PC: variants seen among roughly 807,000 people sequenced by gnomAD.
PC encodes the protein pyruvate carboxylase, also known as pyruvate carboxylase, mitochondrial.
In PC, 46 loss-of-function variants were observed where a neutral mutation model predicts 107.8. The observed-to-expected ratio is 0.43, with a 90% confidence interval of 0.34 to 0.55. The LOEUF is 0.55. Among genes scored for constraint, PC ranks in the 20% least tolerant of loss-of-function variants. The probability of loss-of-function intolerance (pLI) is 0.04; values close to 1 mark genes in which losing one functional copy is unlikely to be tolerated. For missense variants in PC, 1,241 were observed against 1,643.1 expected (o/e 0.76, Z 4.23); for synonymous variants, 662 against 684.7 (o/e 0.97, Z 0.52).
At chr11:66,855,587 C>T (rs78158021) in intron 12 of PC, among the ~76,000 whole-genome samples, 9,785 of 152,284 alleles carry the variant, frequency 0.064, 384 homozygotes, top group East Asian at 0.11. Context: ...GCATGAACCA[C>T]TGCACCCGGT....
At chr11:66,913,424 C>T (rs1948387986) in intron 3 of PC, among the ~76,000 whole-genome samples, 1 of 151,964 alleles carries the variant, frequency 6.6e-6, no homozygotes, top group Non-Finnish European at 1.5e-5. Context: ...GTGGCTCACG[C>T]TTGTAATCCC....
At chr11:66,930,042 C>G (rs796209424) in intron 3 of PC, among the ~76,000 whole-genome samples, 20 of 152,106 alleles carry the variant, frequency 1.3e-4, no homozygotes, top group Admixed American at 1.2e-3. Context: ...AGAGATCTTA[C>G]CCCCAGTGAA....
chr11:66,863,939 C>T lies in PC; in HGVS notation c.1203G>A (p.Glu401=). Residue 401 remains glutamate, a synonymous_variant, in exon 12 of 23, where the codon GAG becomes GAA. Coordinates refer to ENST00000393960, the MANE Select transcript of PC (RefSeq NM_001040716.2). Reference sequence around the variant, plus strand: ...CATTATCCAGGCGGATGCCCATGCCCTCTCCGCTCCGGAACACCTGTGGGA... The same window carrying T: ...CATTATCCAGGCGGATGCCCATGCCTTCTCCGCTCCGGAACACCTGTGGGA... The part of the protein sequence containing the change: ...TGRIEVFRSG[E]GMGIRLDNAS... The T allele has an allele frequency of 1.2e-6, 2 of 1,613,908 alleles. No individual in the cohort carries two copies. Among genetic ancestry groups the T allele is most frequent in the Non-Finnish European group, 1.7e-6 (2 of 1,180,026 alleles).
rs986533958 is a variant in PC at position 66,850,823 on chromosome 11, G to A, written c.2324C>T (p.Thr775Met). 19 of 1,611,954 alleles carry A rather than the reference G, an allele frequency of 1.2e-5. No individual in the cohort carries two copies. Among genetic ancestry groups the A allele is most frequent in the Non-Finnish European group, 1.5e-5 (18 of 1,180,032 alleles). Residue 775 changes from threonine to methionine, a missense_variant, in exon 18 of 23, where the codon ACG becomes ATG. Coordinates refer to ENST00000393960, the MANE Select transcript of PC (RefSeq NM_001040716.2). ...DLPLHIHTHD[T>M]SGAGVAAMLA... ...CATGGCTGCCACGCCTGCCCCTGAC[G>A]TGTCGTGGGTGTGGATGTGCAGTGG...
At chr11:66,875,694 G>A (rs1450079472) in intron 3 of PC, among the ~76,000 whole-genome samples, 1 of 152,116 alleles carries the variant, frequency 6.6e-6, no homozygotes, top group East Asian at 1.9e-4. Flanking sequence ...TAAGATGGGG[G>A]CTGGGAAGGG....
At chr11:66,860,014 C>T in intron 12 of PC, 1 of 1,591,116 alleles carries the variant, frequency 6.3e-7, no homozygotes, top group Non-Finnish European at 8.6e-7. Flanking sequence ...CCGCGGAGCC[C>T]CCCGCCCCGG....
chr11:66,860,591 C>T (rs1382883491), intron 12 of PC: 1 of 701,214 alleles, frequency 1.4e-6, no homozygotes, highest in Non-Finnish European at 2.6e-6. Context: ...GCAGTCACAG[C>T]AGCCTGGGGC....
At chr11:66,919,510 G>C (rs888294481) in intron 3 of PC, among the ~76,000 whole-genome samples, 1 of 152,230 alleles carries the variant, frequency 6.6e-6, no homozygotes, top group African/African-American at 2.4e-5. Flanking sequence ...CCAGGAGCTT[G>C]ACAAGCTGGG....
chr11:66,850,790 C>G lies in PC; in HGVS notation c.2357G>C (p.Cys786Ser). The change falls in exon 18 of 23, where the codon TGT becomes TCT. Residue 786 changes from cysteine to serine, a missense_variant. Cys to Ser is a moderately radical substitution (Grantham distance 112). This residue lies in a region of PC where 1,143 missense variants were observed against 1,551.9 expected (regional missense o/e 0.74). Transcript: ENST00000393960. ...CACCACATCAGCTCCAGCCTGGGCA[C>G]AGGCCAGCATGGCTGCCACGCCTGC... ...SGAGVAAMLA[C>S]AQAGADVVDV... is the part of the protein sequence containing the mutation. 2 of 1,611,582 alleles carry G rather than the reference C, an allele frequency of 1.2e-6. No homozygotes were observed. The highest frequency in any genetic ancestry group is 3.3e-5 in the Admixed American group (2 of 60,030).
rs199585461 is a variant in PC, at chr11:66,849,010, G to A, written c.3426C>T (p.Ala1142=). ...AKGQPLCVLS[A]MKMETVVTSP... The stretch of plus-strand genomic sequence containing the variant: ...AGGTCACCACAGTCTCCATCTTCAT[G>A]GCACTGAGCACACACAGGGGCTGGC... The change falls in exon 23 of 23, where the codon GCC becomes GCT. Residue 1142 remains alanine (A), a synonymous_variant. Coordinates refer to ENST00000393960, the MANE Select transcript of PC (RefSeq NM_001040716.2). The A allele has an allele frequency of 5.6e-6, 9 of 1,614,084 alleles. No homozygotes were observed. The highest frequency in any genetic ancestry group is 7.6e-6 in the Non-Finnish European group (9 of 1,180,022).
intron 3 of PC, among the ~76,000 whole-genome samples, chr11:66,911,829 G>A (rs143700555): frequency 2.6e-5 from 4 of 152,128 alleles, no homozygotes; most frequent in Admixed American, 1.3e-4. Flanking sequence ...TCAGGAGTTC[G>A]AGACCAGCCT....
At chr11:66,883,273 C>CAGT (rs1373293403) in intron 3 of PC, among the ~76,000 whole-genome samples, 1 of 152,162 alleles carries the variant, frequency 6.6e-6, no homozygotes, top group Admixed American at 6.5e-5. Context: ...CGAGGGCCTG[C>CAGT]AGTGAGGTGG....
intron 3 of PC, among the ~76,000 whole-genome samples, chr11:66,903,771 A>ATAT (rs1194041066): frequency 1.8e-4 from 15 of 81,642 alleles, no homozygotes; most frequent in East Asian, 6.8e-4. Context: ...AAAAAAAAAA[A>ATAT]AAATATATAT....
chr11:66,857,108 G>C lies in PC; in HGVS notation c.1369-3725C>G, dbSNP rs1020495702. On this transcript the variant is annotated intron_variant, in intron 12 of 22. Transcript: ENST00000393960. This position sits in a 1 kb window ranked among gnomAD's most constrained non-coding sequence, Gnocchi z 7.1. ...CCTGTCGCCGCCGCCACCGCTAACC[G>C]CGCCGGGAAAAGGTGCCGGGAACCG... 6.8e-6 allele frequency: 1 copy of C among 147,764 alleles called. No homozygotes were observed. Among genetic ancestry groups the C allele is most frequent in the Non-Finnish European group, 1.5e-5 (1 of 66,308 alleles). 9.2% of individuals were successfully genotyped at this position (147,764 alleles called of 1,614,324 possible).
At chr11:66,895,026 G>GAAA (rs11421698) in intron 3 of PC, among the ~76,000 whole-genome samples, 3 of 126,758 alleles carry the variant, frequency 2.4e-5, no homozygotes, top group African/African-American at 5.8e-5. Context: ...TCCGTCTCAG[G>GAAA]AAAAAAAAAA....
At chr11:66,893,735 C>T (rs1023840344) in intron 3 of PC, among the ~76,000 whole-genome samples, 5 of 152,106 alleles carry the variant, frequency 3.3e-5, no homozygotes, top group Admixed American at 1.3e-4. Flanking sequence ...TAAAATCACG[C>T]TTTTTGGTGG....
In PC at chr11:66,850,885, C is replaced by T. The variant is rs763090132; in HGVS notation, c.2262G>A (p.Met754Ile). Residue 754 changes from methionine (M) to isoleucine (I), a missense_variant, in exon 18 of 23, where the codon ATG becomes ATA. By Grantham distance (10) the Met-to-Ile change is conservative (BLOSUM62 1). This residue lies in a region of PC where 1,143 missense variants were observed against 1,551.9 expected (regional missense o/e 0.74). Transcript: ENST00000393960. Reference sequence around the variant, plus strand: ...AGCGGTCCCGGAGGGAGCTGACCAGCATGGTGCAGGCCGTGGGCTTCAGCA... The same window carrying T: ...AGCGGTCCCGGAGGGAGCTGACCAGTATGGTGCAGGCCGTGGGCTTCAGCA... ...AGLLKPTACTMLVSSLRDRFP... is the reference protein window; with the variant it reads ...AGLLKPTACTILVSSLRDRFP... 1 of 1,610,860 alleles carries T rather than the reference C, an allele frequency of 6.2e-7. No homozygotes were observed. The highest frequency in any genetic ancestry group is 1.1e-5 in the South Asian group (1 of 91,088).
At chr11:66,935,045 G>A (rs1948961020) in intron 3 of PC, among the ~76,000 whole-genome samples, 1 of 152,176 alleles carries the variant, frequency 6.6e-6, no homozygotes, top group South Asian at 2.1e-4. Flanking sequence ...TCCCAACCAC[G>A]GATAAACAAC....
Position 66,858,726 on chromosome 11 carries a change from G to A in PC, c.1368+5048C>T. The A allele has an allele frequency of 6.4e-7, 1 of 1,553,834 alleles. No homozygotes were observed. Among genetic ancestry groups the A allele is most frequent in the Non-Finnish European group, 8.7e-7 (1 of 1,148,076 alleles). ...CCGGTTGGTTGGCAACTCCTCCCGAGCCCGGGCTTTCCCCAACGGGACCTT... is the reference window on the plus strand; with the variant it reads ...CCGGTTGGTTGGCAACTCCTCCCGAACCCGGGCTTTCCCCAACGGGACCTT... On this transcript the variant is annotated intron_variant, in intron 12 of 22. Coordinates refer to ENST00000393960, the MANE Select transcript of PC (RefSeq NM_001040716.2). This position sits in a 1 kb window ranked among gnomAD's most constrained non-coding sequence, Gnocchi z 5.9.
Sources: allele counts gnomAD v4.1 joint callset (sites outside exome capture counted in the v4.1 genomes callset), GRCh38; gene constraint gnomAD v4.1.1; regional missense constraint gnomAD v4.1.1; non-coding constraint Gnocchi (gnomAD v3.1); transcripts MANE v1.5; gene names NCBI Gene and HGNC (gene_info 2026-07-23, HGNC 2026-07-21).